Variants in DAB1 observed in about 807,000 individuals in gnomAD.
DAB1 encodes disabled homolog 1.
In DAB1, 15 loss-of-function variants were observed where a neutral mutation model predicts 64.6. That is an observed-to-expected ratio of 0.23 (90% confidence interval 0.16 to 0.36). The LOEUF is 0.36. DAB1 is among the 10% of genes least tolerant of loss of function. The probability of loss-of-function intolerance (pLI) is 1.00; values close to 1 mark genes in which losing one functional copy is unlikely to be tolerated. For synonymous variants in DAB1, 235 were observed against 251.9 expected (o/e 0.93, Z 0.64); for missense variants, 596 against 706.7 (o/e 0.84, Z 1.78).
At chr1:57,895,396 A>C (rs899454218) in intron 5 of DAB1, among the ~76,000 whole-genome samples, 4 of 152,208 alleles carry the variant, frequency 2.6e-5, no homozygotes, top group Non-Finnish European at 4.4e-5. Flanking sequence ...GAAATCAGGC[A>C]GTCTGGCTAC....
intron 5 of DAB1, among the ~76,000 whole-genome samples, chr1:58,120,710 A>G (rs898443658): frequency 2.4e-4 from 37 of 152,194 alleles, no homozygotes; most frequent in African/African-American, 8.9e-4. Context: ...ACAGAATTCA[A>G]TACTGAAATC....
At chr1:58,366,398 T>C (rs189044111) in intron 3 of DAB1, among the ~76,000 whole-genome samples, 9 of 152,198 alleles carry the variant, frequency 5.9e-5, no homozygotes, top group African/African-American at 1.7e-4. Flanking sequence ...AATCTTCTGA[T>C]TTTATGGTGC....
At chr1:58,539,904 A>G (rs1006485200) in intron 1 of DAB1, among the ~76,000 whole-genome samples, 1 of 152,226 alleles carries the variant, frequency 6.6e-6, no homozygotes, top group Non-Finnish European at 1.5e-5. Flanking sequence ...TAGAGCTCAC[A>G]GGACAGAGGA....
chr1:58,463,240 T>C (rs1021723517), intron 3 of DAB1, among the ~76,000 whole-genome samples: 9 of 152,312 alleles, frequency 5.9e-5, no homozygotes, highest in Admixed American at 5.9e-4. Flanking sequence ...CCTTCCCCAC[T>C]GAGAGCAGAG....
chr1:57,310,061 A>G (rs140961409), intron 1 of DAB1, among the ~76,000 whole-genome samples: 5 of 152,364 alleles, frequency 3.3e-5, no homozygotes, highest in South Asian at 2.1e-4. Flanking sequence ...GCTGTTTACC[A>G]TACATTGTTC....
At chr1:58,138,381 T>C (rs1419279671) in intron 5 of DAB1, among the ~76,000 whole-genome samples, 1 of 152,194 alleles carries the variant, frequency 6.6e-6, no homozygotes, top group African/African-American at 2.4e-5. Flanking sequence ...CTCCTTGTTA[T>C]GGGGCTTAAA....
At chr1:57,838,542 T>A (rs1652912704) in intron 1 of DAB1, among the ~76,000 whole-genome samples, 1 of 152,128 alleles carries the variant, frequency 6.6e-6, no homozygotes, top group African/African-American at 2.4e-5. Flanking sequence ...AAATCCCTCT[T>A]CTGTGTCCCA....
At chr1:58,518,818 C>T (rs920448133) in intron 2 of DAB1, among the ~76,000 whole-genome samples, 5 of 152,048 alleles carry the variant, frequency 3.3e-5, no homozygotes, top group Non-Finnish European at 7.4e-5. Context: ...GCAGACAGTC[C>T]TTTTAAGATA....
intron 7 of DAB1, among the ~76,000 whole-genome samples, chr1:57,643,055 A>G (rs1646149721): frequency 6.6e-6 from 1 of 152,208 alleles, no homozygotes; most frequent in African/African-American, 2.4e-5. Context: ...GCTATTGTTC[A>G]CATATAAATG....
chr1:58,240,986 A>C (rs1280279159), intron 4 of DAB1, among the ~76,000 whole-genome samples: 2 of 152,206 alleles, frequency 1.3e-5, no homozygotes, highest in Non-Finnish European at 2.9e-5. Context: ...TGACAAAAGT[A>C]TAAAAAATAG....
intron 2 of DAB1, among the ~76,000 whole-genome samples, chr1:58,518,365 GAAGAGAAGGGAAGAA>G (rs1260596535): frequency 1.7e-4 from 24 of 142,754 alleles, no homozygotes; most frequent in African/African-American, 6.3e-4. Flanking sequence ...GAAGGGAAGA[GAAGAGAAGGGAAGAA>G]AAGAAAAGAA....
intron 3 of DAB1, among the ~76,000 whole-genome samples, chr1:58,411,087 T>C (rs1211043868): frequency 6.6e-6 from 1 of 152,232 alleles, no homozygotes; most frequent in Non-Finnish European, 1.5e-5. Context: ...CCCTCAGGCC[T>C]CTGCATGAAT....
intron 4 of DAB1, among the ~76,000 whole-genome samples, chr1:57,081,306 A>G (rs1047704935): frequency 6.6e-6 from 1 of 152,172 alleles, no homozygotes; most frequent in African/African-American, 2.4e-5. Context: ...TTTCCCTGGC[A>G]ACTGAGTTTA....
At chr1:57,809,659 G>A (rs143053317) in intron 6 of DAB1, among the ~76,000 whole-genome samples, 195 of 152,190 alleles carry the variant, frequency 1.3e-3, no homozygotes, top group African/African-American at 4.6e-3. Flanking sequence ...ACTGACAGTC[G>A]CCTCCTGATA....
At chr1:57,218,451 A>G (rs920746962) in intron 2 of DAB1, among the ~76,000 whole-genome samples, 1 of 142,292 alleles carries the variant, frequency 7.0e-6, no homozygotes, top group Non-Finnish European at 1.5e-5. Flanking sequence ...AAGCTGAGGT[A>G]GGAGGATCAC....
At chr1:57,252,900 C>G (rs968108146) in intron 2 of DAB1, among the ~76,000 whole-genome samples, 2 of 152,172 alleles carry the variant, frequency 1.3e-5, no homozygotes, top group African/African-American at 2.4e-5. Context: ...GTGGCAGGAC[C>G]AGTTTTGCAT....
At chr1:58,525,517 G>A (rs996468107) in intron 2 of DAB1, among the ~76,000 whole-genome samples, 1 of 152,042 alleles carries the variant, frequency 6.6e-6, no homozygotes. Context: ...AACAAAAGAT[G>A]TGTAATTCCT....
At chr1:57,711,443 T>C (rs749176423) in intron 6 of DAB1, among the ~76,000 whole-genome samples, 2 of 152,248 alleles carry the variant, frequency 1.3e-5, no homozygotes, top group African/African-American at 2.4e-5. Flanking sequence ...GGCTTCTTCC[T>C]GCTGACAGGG....
At chr1:57,155,084 G>A (rs1219578636) in intron 2 of DAB1, among the ~76,000 whole-genome samples, 1 of 152,144 alleles carries the variant, frequency 6.6e-6, no homozygotes, top group African/African-American at 2.4e-5. Flanking sequence ...GTGGGTTACT[G>A]CCGAAGAAAT....
Sources: allele counts gnomAD v4.1 joint callset (sites outside exome capture counted in the v4.1 genomes callset), GRCh38; gene constraint gnomAD v4.1.1; transcripts MANE v1.5; gene names NCBI Gene and HGNC (gene_info 2026-07-23, HGNC 2026-07-21).